Variants in STXBP5L observed in about 807,000 individuals in gnomAD.
STXBP5L encodes the protein syntaxin-binding protein 5-like.
A neutral mutation model predicts 144.5 loss-of-function variants in STXBP5L; 65 were observed. The observed-to-expected ratio is 0.45, with a 90% CI of 0.37 to 0.55. The LOEUF is 0.55. Among genes scored for constraint, STXBP5L ranks in the 20% least tolerant of loss-of-function variants. The probability of loss-of-function intolerance (pLI) is 0.00; values close to 1 mark genes in which losing one functional copy is unlikely to be tolerated. For synonymous variants in STXBP5L, 505 were observed against 469.6 expected, an observed-to-expected ratio of 1.08 and a Z score of -0.97; for missense variants, 1,298 against 1,405.5, an observed-to-expected ratio of 0.92 and a Z score of 1.22.
chr3:120,917,916 AC>A (rs1349024935), intron 2 of STXBP5L, among the ~76,000 whole-genome samples: 8 of 152,222 alleles, frequency 5.3e-5, no homozygotes, highest in Non-Finnish European at 1.0e-4. Context: ...GCTTAAAACA[AC>A]ACGAATTTAT....
Position 121,412,744 on chromosome 3 carries a change from A to C in STXBP5L, c.2949-414A>C, listed in dbSNP as rs560028901. Among the ~76,000 whole-genome samples the C allele has an allele frequency of 5.9e-4, 88 of 148,670 alleles. 1 individual carries two copies. Among genetic ancestry groups the C allele is most frequent in the Middle Eastern group, 3.5e-3 (1 of 288 alleles). On this transcript the variant is annotated intron_variant, in intron 23 of 26. Transcript: ENST00000471454. ...TCTCCCTCCAAAAAAAAAAAAAAAA[A>C]AAAAACAAAAGAAAAAGAAAAAAAG...
At chr3:121,030,125 C>T (rs928779173) in intron 3 of STXBP5L, among the ~76,000 whole-genome samples, 1 of 152,128 alleles carries the variant, frequency 6.6e-6, no homozygotes, top group East Asian at 1.9e-4. Context: ...TGTGATGATT[C>T]CTCAAGGATC....
rs184551652 is a variant in STXBP5L at position 121,272,393 on chromosome 3, T to G, written c.1959-7412T>G. Among the ~76,000 whole-genome samples, 162 of 152,340 alleles carry G rather than the reference T, an allele frequency of 1.1e-3. 1 individual carries two copies. The highest frequency in any genetic ancestry group is 3.7e-3 in the African/African-American group (155 of 41,598). On this transcript the variant is annotated intron_variant, in intron 18 of 26. Coordinates refer to ENST00000471454, the MANE Select transcript of STXBP5L (RefSeq NM_001308330.2). The stretch of plus-strand genomic sequence containing the variant: ...TTATTTAATGATCCTCTTTGTCTTA[T>G]GACAGTTTTTAACTTAAAGTCTGTT...
At chr3:121,088,156 A>C (rs9869803) in intron 5 of STXBP5L, among the ~76,000 whole-genome samples, 112,350 of 142,676 alleles carry the variant, frequency 0.79, 44,552 homozygotes, top group Admixed American at 0.84. Context: ...GAACAGGCAA[A>C]CTACAACATG....
chr3:121,022,609 A>G (rs1045684084), intron 3 of STXBP5L, among the ~76,000 whole-genome samples: 4 of 152,196 alleles, frequency 2.6e-5, no homozygotes, highest in Non-Finnish European at 5.9e-5. Context: ...TTTAGCATAC[A>G]CAAATCAATA....
chr3:121,069,480 T>C (rs1339123582), intron 5 of STXBP5L, among the ~76,000 whole-genome samples: 1 of 152,170 alleles, frequency 6.6e-6, no homozygotes. Flanking sequence ...TTTGTGAACA[T>C]AAGTTTTCGT....
chr3:121,271,243 G>C (rs1278819931), intron 18 of STXBP5L, among the ~76,000 whole-genome samples: 2 of 152,106 alleles, frequency 1.3e-5, no homozygotes, highest in Non-Finnish European at 2.9e-5. Flanking sequence ...ATTTTATTCA[G>C]TGAGTTAAGA....
At chr3:121,233,476 G>A in intron 11 of STXBP5L, 140 bp from the exon 12 acceptor site, 1 of 516,096 alleles carries the variant, frequency 1.9e-6, no homozygotes, top group Admixed American at 3.8e-5. Flanking sequence ...AGTGCTCTTT[G>A]TTACTTCTTA....
intron 3 of STXBP5L, among the ~76,000 whole-genome samples, chr3:120,998,019 A>C (rs532244462): frequency 5.9e-5 from 9 of 152,212 alleles, no homozygotes; most frequent in African/African-American, 1.9e-4. Context: ...AAAGCTTTCT[A>C]TACAATTCAA....
intron 2 of STXBP5L, among the ~76,000 whole-genome samples, chr3:120,931,097 T>TC (rs1283929142): frequency 6.9e-4 from 95 of 136,918 alleles, no homozygotes; most frequent in African/African-American, 2.1e-3. Flanking sequence ...GGGTTTTCTC[T>TC]TTTTTTTTTT....
chr3:120,993,925 A>G (rs571013011), intron 3 of STXBP5L, among the ~76,000 whole-genome samples: 13 of 152,164 alleles, frequency 8.5e-5, no homozygotes, highest in Admixed American at 2.6e-4. Context: ...CTTCCAATTC[A>G]TGAGCATGGG....
chr3:121,172,681 A>G (rs897576024), intron 9 of STXBP5L, among the ~76,000 whole-genome samples: 1 of 152,204 alleles, frequency 6.6e-6, no homozygotes, highest in African/African-American at 2.4e-5. Context: ...TCAGGAAACA[A>G]CAGATGCTGG....
At chr3:121,336,732 A>T (rs1004926461) in intron 20 of STXBP5L, among the ~76,000 whole-genome samples, 1 of 152,172 alleles carries the variant, frequency 6.6e-6, no homozygotes, top group Admixed American at 6.6e-5. Flanking sequence ...CTAACATCTG[A>T]CTCAGCAATC....
rs563624638 is a variant in STXBP5L at position 121,127,211 on chromosome 3, A to G, written c.669+5507A>G. 2.7e-5 allele frequency among the ~76,000 whole-genome samples: 4 copies of G among 148,632 alleles called. No individual in the cohort carries two copies. In the East Asian group the frequency reaches 5.8e-4, roughly 22 times the overall value. ...AAAAATAGGCCCAGGAGCTGCTTATAAGGAGACCAAATACATAACTTTGAT... is the reference window on the plus strand; with the variant it reads ...AAAAATAGGCCCAGGAGCTGCTTATGAGGAGACCAAATACATAACTTTGAT... On this transcript the variant is annotated intron_variant, in intron 7 of 26. Coordinates refer to ENST00000471454, the MANE Select transcript of STXBP5L (RefSeq NM_001308330.2).
chr3:121,311,300 T>C (rs1256419868), intron 19 of STXBP5L, among the ~76,000 whole-genome samples: 13 of 152,190 alleles, frequency 8.5e-5, no homozygotes, highest in Admixed American at 8.5e-4. Flanking sequence ...GTCATTACCA[T>C]AGTGGAAAGA....
chr3:121,288,046 TAC>T (rs2051293882), intron 19 of STXBP5L, among the ~76,000 whole-genome samples: 1 of 152,198 alleles, frequency 6.6e-6, no homozygotes, highest in Non-Finnish European at 1.5e-5. Flanking sequence ...CTAAAGTTCA[TAC>T]AGAAATTCAA....
At chr3:121,200,304 T>C (rs2048088843) in intron 9 of STXBP5L, among the ~76,000 whole-genome samples, 1 of 152,236 alleles carries the variant, frequency 6.6e-6, no homozygotes, top group African/African-American at 2.4e-5. Flanking sequence ...TGGTAGTTTG[T>C]ATTTCTATGT....
At chr3:121,237,605 C>A (rs1187973867) in intron 12 of STXBP5L, among the ~76,000 whole-genome samples, 3 of 152,222 alleles carry the variant, frequency 2.0e-5, no homozygotes, top group African/African-American at 7.2e-5. Context: ...TTCTTTACTA[C>A]CACATGGCCA....
At chr3:120,969,127 A>G (rs530814232) in intron 3 of STXBP5L, among the ~76,000 whole-genome samples, 27 of 152,198 alleles carry the variant, frequency 1.8e-4, no homozygotes, top group African/African-American at 6.3e-4. Flanking sequence ...ACTGTTTTCC[A>G]TAGTGTTTGT....
Sources: gnomAD v4.1 joint callset for allele counts (sites outside exome capture counted in the v4.1 genomes callset) on GRCh38, gnomAD v4.1.1 for gene constraint, MANE v1.5 for transcripts, NCBI Gene and HGNC (gene_info 2026-07-23, HGNC 2026-07-21) for gene names.